ZRANB3: variants seen among roughly 807,000 people sequenced by gnomAD.
The protein encoded by ZRANB3 is DNA annealing helicase and endonuclease ZRANB3.
Under a neutral mutation model 133.8 loss-of-function variants are expected in ZRANB3, and 125 were observed. The observed-to-expected ratio is 0.93, with a 90% CI of 0.81 to 1.08. ZRANB3 has a LOEUF of 1.08. ZRANB3 is among the 50% of genes least tolerant of loss of function. The pLI, the probability that ZRANB3 is intolerant of heterozygous loss-of-function variation, is 0.00. For missense variants in ZRANB3, 1,229 were observed against 1,275.5 expected (o/e 0.96, Z 0.56); for synonymous variants, 387 against 432.7 (o/e 0.89, Z 1.31).
intron 2 of ZRANB3, among the ~76,000 whole-genome samples, chr2:135,409,198 A>T (rs1008850243): frequency 1.3e-5 from 2 of 152,066 alleles, no homozygotes; most frequent in Non-Finnish European, 2.9e-5. Flanking sequence ...ACACTTTCAA[A>T]CAACCAGGTC....
At position 135,315,433 on chromosome 2, in the gene ZRANB3, T is replaced by A. The variant is rs1328329865; in HGVS notation, c.775A>T (p.Thr259Ser). Residue 259 changes from threonine to serine, a missense_variant, in exon 7 of 21, where the codon ACT becomes TCT. Coordinates refer to ENST00000264159, the MANE Select transcript of ZRANB3 (RefSeq NM_032143.4). ...LSDIMIRRLKTEVLTQLPPKV... is the reference protein window; with the variant it reads ...LSDIMIRRLKSEVLTQLPPKV... ...GGGGGTAGCTGGGTTAAAACTTCAGTCTTTAATCTTCTAATCATTATGTCA... is the reference window on the plus strand; with the variant it reads ...GGGGGTAGCTGGGTTAAAACTTCAGACTTTAATCTTCTAATCATTATGTCA... The A allele has an allele frequency of 6.2e-7, 1 of 1,605,626 alleles. No individual in the cohort carries two copies. The highest frequency in any genetic ancestry group is 2.3e-5 in the East Asian group (1 of 44,358).
chr2:135,469,479 A>G (rs1691156213), intron 2 of ZRANB3, among the ~76,000 whole-genome samples: 1 of 152,226 alleles, frequency 6.6e-6, no homozygotes, highest in South Asian at 2.1e-4. Context: ...AACATAATTA[A>G]TAAATTTAAA....
At chr2:135,445,133 T>G (rs1333123502) in intron 2 of ZRANB3, among the ~76,000 whole-genome samples, 1 of 152,094 alleles carries the variant, frequency 6.6e-6, no homozygotes, top group Non-Finnish European at 1.5e-5. Context: ...TAGGCTGGTT[T>G]GGTTGCTTTG....
chr2:135,511,536 C>T (rs971420256), intron 1 of ZRANB3: 8 of 1,025,988 alleles, frequency 7.8e-6, no homozygotes, highest in African/African-American at 4.7e-5. Flanking sequence ...CACCAAAGAC[C>T]TCATCTTGCT....
At chr2:135,419,656 G>A (rs1688748469) in intron 2 of ZRANB3, among the ~76,000 whole-genome samples, 1 of 151,376 alleles carries the variant, frequency 6.6e-6, no homozygotes, top group African/African-American at 2.4e-5. Context: ...AACAAGGATG[G>A]CACCAGTCTA....
At chr2:135,488,269 T>A (rs1277201977) in intron 2 of ZRANB3, among the ~76,000 whole-genome samples, 2 of 152,100 alleles carry the variant, frequency 1.3e-5, no homozygotes, top group African/African-American at 4.8e-5. Context: ...GATCACTAAT[T>A]ACTGATCACC....
chr2:135,251,900 T>G (rs1282239606), intron 12 of ZRANB3, among the ~76,000 whole-genome samples: 1 of 152,024 alleles, frequency 6.6e-6, no homozygotes, highest in Non-Finnish European at 1.5e-5. Context: ...CTGGGTGTGG[T>G]GGTGTGTGCC....
chr2:135,475,623 TTAAAACAATGCTAAGCACTACACAGA>T (rs1328382014), intron 2 of ZRANB3, among the ~76,000 whole-genome samples: 1 of 152,186 alleles, frequency 6.6e-6, no homozygotes, highest in African/African-American at 2.4e-5. Flanking sequence ...TATTAAGTAC[TTAAAACAATGCTAAGCACTACACAGA>T]TACTTTCCAG....
intron 8 of ZRANB3, among the ~76,000 whole-genome samples, chr2:135,297,604 TACCCAGTGAGATGA>T (rs1467836412): frequency 6.6e-6 from 1 of 152,204 alleles, no homozygotes; most frequent in Non-Finnish European, 1.5e-5. Context: ...TCTCCAGCAC[TACCCAGTGAGATGA>T]ACCCGGTACC....
chr2:135,271,423 G>A (rs751399662), intron 10 of ZRANB3: 2 of 478,196 alleles, frequency 4.2e-6, no homozygotes, highest in South Asian at 3.1e-5. Context: ...AGTAAGTGAA[G>A]GGTTGGATAT....
At chr2:135,245,650 G>C (rs1256779581) in intron 12 of ZRANB3, among the ~76,000 whole-genome samples, 2 of 151,496 alleles carry the variant, frequency 1.3e-5, no homozygotes, top group African/African-American at 4.9e-5. Context: ...ACAGGGGCTG[G>C]GTGCTGTGGC....
chr2:135,380,813 C>T (rs1686654520), intron 3 of ZRANB3, among the ~76,000 whole-genome samples: 1 of 152,150 alleles, frequency 6.6e-6, no homozygotes, highest in Admixed American at 6.5e-5. Context: ...TAACTAAGAT[C>T]AGAGCAGCAC....
chr2:135,247,896 A>T lies in ZRANB3; in HGVS notation c.1540-16969T>A, dbSNP rs1277582129. Among the ~76,000 whole-genome samples the T allele has an allele frequency of 2.0e-5, 3 of 152,122 alleles. No homozygotes were observed. In the East Asian group the frequency reaches 5.8e-4, roughly 29 times the overall value. Reference sequence around the variant, plus strand: ...GGGATCCCCCAGCACAGCACAGCTGATCTACCAAAATGTGGCCAGACTGCT... The same window carrying T: ...GGGATCCCCCAGCACAGCACAGCTGTTCTACCAAAATGTGGCCAGACTGCT... On this transcript the variant is annotated intron_variant, in intron 12 of 20. Coordinates refer to ENST00000264159, the MANE Select transcript of ZRANB3 (RefSeq NM_032143.4).
At chr2:135,428,686 T>C (rs1483545049) in intron 2 of ZRANB3, among the ~76,000 whole-genome samples, 1 of 152,188 alleles carries the variant, frequency 6.6e-6, no homozygotes, top group African/African-American at 2.4e-5. Flanking sequence ...TTTTTAACTT[T>C]GCCATTTAAC....
Position 135,230,636 on chromosome 2 carries a change from C to G in ZRANB3, c.1831G>C (p.Ala611Pro). 1 of 1,613,674 alleles carries G rather than the reference C, an allele frequency of 6.2e-7. No individual in the cohort carries two copies. The highest frequency in any genetic ancestry group is 8.5e-7 in the Non-Finnish European group (1 of 1,179,814). ...GCTGGGGTGGTTAACTGGGCCTTGGCCTCCTGTACACTTTCCACGAGTGGA... is the reference window on the plus strand; with the variant it reads ...GCTGGGGTGGTTAACTGGGCCTTGGGCTCCTGTACACTTTCCACGAGTGGA... ...RTPLVESVQE[A>P]KAQLTTPAFP... is the part of the protein sequence containing the mutation. Residue 611 changes from alanine (A) to proline (P), a missense_variant, in exon 13 of 21, where the codon GCC (alanine) becomes CCC (proline). Physicochemically the swap from Ala to Pro is conservative, Grantham distance 27. Coordinates refer to ENST00000264159, the MANE Select transcript of ZRANB3 (RefSeq NM_032143.4).
At chr2:135,304,180 A>T (rs1280565299) in intron 8 of ZRANB3, among the ~76,000 whole-genome samples, 1 of 152,212 alleles carries the variant, frequency 6.6e-6, no homozygotes, top group African/African-American at 2.4e-5. Flanking sequence ...CTTGTTCCTG[A>T]TCTTAGAGGA....
At chr2:135,269,334 A>C (rs903679955) in intron 10 of ZRANB3, among the ~76,000 whole-genome samples, 193 bp from the exon 11 acceptor site, 10 of 152,172 alleles carry the variant, frequency 6.6e-5, no homozygotes, top group African/African-American at 2.4e-4. Context: ...GGTGAACTAC[A>C]AAAAACACAT....
intron 12 of ZRANB3, among the ~76,000 whole-genome samples, chr2:135,251,084 C>T (rs1186661951): frequency 6.6e-6 from 1 of 152,202 alleles, no homozygotes; most frequent in Admixed American, 6.5e-5. Flanking sequence ...TGGGAACCTA[C>T]CTTTTGCATC....
chr2:135,345,542 T>C lies in ZRANB3; in HGVS notation c.677+8A>G, dbSNP rs916931719. 3 of 1,592,840 alleles carry C rather than the reference T, an allele frequency of 1.9e-6. No individual in the cohort carries two copies. Among genetic ancestry groups the C allele is most frequent in the African/African-American group, 2.7e-5 (2 of 73,986 alleles). ...AGGAAAAAATTTACGGAAAATAGTT[T>C]AACTTACCTGATGTGTGCATTACAG... On this transcript the variant is annotated splice_region_variant and intron_variant, in intron 6 of 20. Coordinates refer to ENST00000264159, the MANE Select transcript of ZRANB3 (RefSeq NM_032143.4).
Sources: allele counts gnomAD v4.1 joint callset (sites outside exome capture counted in the v4.1 genomes callset), GRCh38; gene constraint gnomAD v4.1.1; transcripts MANE v1.5; gene names NCBI Gene and HGNC (gene_info 2026-07-23, HGNC 2026-07-21).